Variants in C5orf34 observed in about 807,000 individuals in gnomAD.
C5orf34 encodes uncharacterized protein C5orf34.
C5orf34 carries 73 observed loss-of-function variants against 78.4 expected under a neutral mutation model. The ratio of observed to expected loss-of-function variants is 0.93; its 90% CI spans 0.77 to 1.13. The LOEUF (loss-of-function observed/expected upper bound fraction) is 1.13. Among genes scored for constraint, C5orf34 ranks in the 50% most tolerant of loss-of-function variants. C5orf34 has a pLI of 0.00. For missense variants in C5orf34, 730 were observed against 732.7 expected, an observed-to-expected ratio of 1.00 and a Z score of 0.04; for synonymous variants, 251 against 246.6, an observed-to-expected ratio of 1.02 and a Z score of -0.17.
chr5:43,489,469 G>A (rs1435093995), intron 11 of C5orf34, among the ~76,000 whole-genome samples: 1 of 152,044 alleles, frequency 6.6e-6, no homozygotes, highest in African/African-American at 2.4e-5. Context: ...AGTTTTTAGT[G>A]TGTATTGACA....
At chr5:43,498,800 A>T (rs149439385) in intron 6 of C5orf34, among the ~76,000 whole-genome samples, 1 of 152,174 alleles carries the variant, frequency 6.6e-6, no homozygotes. Context: ...AAATCATTCA[A>T]TGGTTCCCCA....
intron 6 of C5orf34, chr5:43,496,267 A>T: frequency 6.3e-7 from 1 of 1,585,110 alleles, no homozygotes; most frequent in Non-Finnish European, 8.6e-7. Context: ...CTCAGCTTTC[A>T]GTTTATGCAA....
intron 1 of C5orf34, among the ~76,000 whole-genome samples, chr5:43,513,858 A>G (rs1355805781): frequency 1.3e-5 from 2 of 152,220 alleles, no homozygotes; most frequent in African/African-American, 4.8e-5. Context: ...TTTTTTCTTC[A>G]TAGAATCTAT....
intron 6 of C5orf34, among the ~76,000 whole-genome samples, chr5:43,497,715 A>G (rs1475087849): frequency 1.3e-5 from 2 of 152,232 alleles, no homozygotes; most frequent in African/African-American, 4.8e-5. Context: ...TTTAGCATAT[A>G]ATAGGTACCA....
intron 1 of C5orf34, chr5:43,510,987 G>C (rs1746217141): frequency 1.4e-5 from 3 of 213,508 alleles, no homozygotes; most frequent in Non-Finnish European, 2.8e-5. Context: ...ATCCCATCTA[G>C]GAAGTGAGGA....
At chr5:43,504,261 C>T (rs1422515612) in intron 4 of C5orf34, among the ~76,000 whole-genome samples, 3 of 150,214 alleles carry the variant, frequency 2.0e-5, no homozygotes, top group South Asian at 2.1e-4. Context: ...GAGCTGAGAT[C>T]GCGCCAGCCT....
rs1332061961 is a variant in C5orf34 at position 43,506,071 on chromosome 5, C to T, written c.609G>A (p.Met203Ile). ...TCTTCTTTAAAGTTTCTTTGGATTT[C>T]ATGATCTGGCAATGAAACTCATTTT... Reference protein sequence around the residue: ...NKENEFHCQIMKSKETLKKMS... With the variant: ...NKENEFHCQIIKSKETLKKMS... Residue 203 changes from methionine to isoleucine, a missense_variant, in exon 4 of 13, where the codon ATG becomes ATA. Coordinates refer to ENST00000306862, the MANE Select transcript of C5orf34 (RefSeq NM_198566.4). 2 of 1,614,202 alleles carry T rather than the reference C, an allele frequency of 1.2e-6. No homozygotes were observed. The highest frequency in any genetic ancestry group is 1.7e-6 in the Non-Finnish European group (2 of 1,180,032).
At chr5:43,513,226 T>C (rs1470529382) in intron 1 of C5orf34, among the ~76,000 whole-genome samples, 2 of 152,210 alleles carry the variant, frequency 1.3e-5, no homozygotes, top group African/African-American at 2.4e-5. Context: ...ACACTTTTAA[T>C]TATTTTCTTT....
intron 1 of C5orf34, among the ~76,000 whole-genome samples, chr5:43,513,594 T>C (rs1262676211): frequency 1.3e-5 from 2 of 152,256 alleles, no homozygotes; most frequent in African/African-American, 4.8e-5. Context: ...CCTCTCCCAA[T>C]GTCATTTCTC....
rs941153905 is a variant in C5orf34 at position 43,506,210 on chromosome 5, G to A, written c.470C>T (p.Ser157Leu). 3 of 1,614,062 alleles carry A rather than the reference G, an allele frequency of 1.9e-6. No individual in the cohort carries two copies. Among genetic ancestry groups the A allele is most frequent in the African/African-American group, 2.7e-5 (2 of 74,918 alleles). The stretch of plus-strand genomic sequence containing the variant: ...ATTTGTTTCTGACAACACTGCAGAT[G>A]AGTCTGACTTCTGGCTAACTTTACA... ...FLCKVSQKSD[S>L]SAVLSETNNK... Residue 157 changes from serine (S) to leucine (L), a missense_variant, in exon 4 of 13, where the codon TCA (serine) becomes TTA (leucine). By Grantham distance (145) the Ser-to-Leu change is moderately radical. Transcript: ENST00000306862.
chr5:43,512,097 A>C (rs917771740), intron 1 of C5orf34, among the ~76,000 whole-genome samples: 1 of 151,830 alleles, frequency 6.6e-6, no homozygotes, highest in Non-Finnish European at 1.5e-5. Context: ...TATAAGTCTC[A>C]GGTTGTTCCT....
rs370086807 is a variant in C5orf34 at position 43,505,844 on chromosome 5, C to G, written c.836G>C (p.Arg279Thr). 5.0e-6 allele frequency: 8 copies of G among 1,613,082 alleles called. No homozygotes were observed. The highest frequency in any genetic ancestry group is 1.3e-5 in the African/African-American group (1 of 74,894). The change falls in exon 4 of 13, where the codon AGA becomes ACA. Residue 279 changes from arginine to threonine, a missense_variant. By Grantham distance (71) the Arg-to-Thr change is moderately conservative. Coordinates refer to ENST00000306862, the MANE Select transcript of C5orf34 (RefSeq NM_198566.4). ...SKIDAHITQS[R>T]FLTSDISEER... is the part of the protein sequence containing the mutation. ...CTCTGAAATATCAGAAGTTAAAAAT[C>G]TACTCTGAGTTATATGTGCATCAAT...
At chr5:43,496,534 T>TTTTTTAAAAATTTTAAAAAAAATTCTATA (rs1745533820) in intron 6 of C5orf34, 1 of 1,218,138 alleles carries the variant, frequency 8.2e-7, no homozygotes, top group African/African-American at 1.6e-5. Flanking sequence ...CATTTTCCCA[T>TTTTTTAAAAATTTTAAAAAAAATTCTATA]TTTTTAAAAA....
rs1229660972 is a variant in C5orf34, at chr5:43,492,223, T to C, written c.1572A>G (p.Pro524=). Residue 524 remains proline (P), a synonymous_variant, in exon 10 of 13, where the codon CCA becomes CCG. Coordinates refer to ENST00000306862, the MANE Select transcript of C5orf34 (RefSeq NM_198566.4). ...AAATTGCTTTTCAGTACCTTTCATA[T>C]GGTTCAGGGTGTTCAATCTGAATTA... is the stretch of plus-strand genomic sequence containing the variant. ...EQLIQIEHPE[P]YERYVTTVTS... The C allele has an allele frequency of 6.3e-7, 1 of 1,598,084 alleles. No homozygotes were observed. The highest frequency in any genetic ancestry group is 1.2e-5 in the South Asian group (1 of 86,500).
intron 4 of C5orf34, among the ~76,000 whole-genome samples, chr5:43,504,460 A>G (rs1478504195): frequency 1.3e-5 from 2 of 152,184 alleles, no homozygotes; most frequent in African/African-American, 4.8e-5. Flanking sequence ...ACTGCATGCT[A>G]TGGAATTGTA....
chr5:43,492,906 TAAAA>T lies in C5orf34; in HGVS notation c.1315-20_1315-17del. ...TCCCAGGTACCTAAAACCAAGTAAATAAAAATAGCAGGAAATAGAGTTATCTAAG... is the reference window on the plus strand; with the variant it reads ...TCCCAGGTACCTAAAACCAAGTAAATATAGCAGGAAATAGAGTTATCTAAG... On this transcript the variant is annotated splice_polypyrimidine_tract_variant and intron_variant, in intron 8 of 12. Coordinates refer to ENST00000306862, the MANE Select transcript of C5orf34 (RefSeq NM_198566.4). 1 of 1,537,886 alleles carries T rather than the reference TAAAA, an allele frequency of 6.5e-7. No homozygotes were observed. Among genetic ancestry groups the T allele is most frequent in the Non-Finnish European group, 8.9e-7 (1 of 1,127,330 alleles).
In C5orf34 at chr5:43,507,857, T is replaced by C. The variant is rs189136394; in HGVS notation, c.285+720A>G. Among the ~76,000 whole-genome samples, 60 of 152,218 alleles carry C rather than the reference T, an allele frequency of 3.9e-4. 1 individual carries two copies. The South Asian group carries it at 7.3e-3, about 18-fold the overall frequency. On this transcript the variant is annotated intron_variant, in intron 3 of 12. Transcript: ENST00000306862. The stretch of plus-strand genomic sequence containing the variant: ...ACTTTGGGAGGCTGAGGCGGGCGGA[T>C]CACGAGGTCAGGAGATCGAGACCAT...
Position 43,493,604 on chromosome 5 carries a change from T to C in C5orf34, c.1253A>G (p.Gln418Arg), listed in dbSNP as rs761510988. The C allele has an allele frequency of 1.3e-6, 2 of 1,569,540 alleles. No homozygotes were observed. Among genetic ancestry groups the C allele is most frequent in the Non-Finnish European group, 1.7e-6 (2 of 1,155,304 alleles). Residue 418 changes from glutamine (Q) to arginine (R), a missense_variant, in exon 8 of 13, where the codon CAA becomes CGA. By Grantham distance (43) the Gln-to-Arg change is conservative. Coordinates refer to ENST00000306862, the MANE Select transcript of C5orf34 (RefSeq NM_198566.4). ...AGAAAGTCTCATCTTCACACAATGT[T>C]GAAGAATTCTGTGAACACAAAAAAT... ...SLIKQATRILQHCVKMRLSLS... is the reference protein window; with the variant it reads ...SLIKQATRILRHCVKMRLSLS...
intron 12 of C5orf34, among the ~76,000 whole-genome samples, 190 bp from the exon 13 acceptor site, chr5:43,487,301 GA>G (rs1745106059): frequency 6.6e-6 from 1 of 152,146 alleles, no homozygotes; most frequent in African/African-American, 2.4e-5. Flanking sequence ...CAGTATAAGG[GA>G]GGGGGAAAGA....
Sources: allele counts gnomAD v4.1 joint callset (sites outside exome capture counted in the v4.1 genomes callset), GRCh38; gene constraint gnomAD v4.1.1; transcripts MANE v1.5; gene names NCBI Gene and HGNC (gene_info 2026-07-23, HGNC 2026-07-21).